The following ARHGAP15 variants were observed in gnomAD, a reference collection of about 807,000 sequenced individuals.
ARHGAP15 encodes the protein Rho GTPase activating protein 15, also known as rho GTPase-activating protein 15.
A neutral mutation model predicts 63.7 loss-of-function variants in ARHGAP15; 51 were observed. That is an observed-to-expected ratio of 0.80 (90% CI 0.64 to 1.01). The LOEUF is 1.01. Ranked by LOEUF, ARHGAP15 falls within the 50% of genes least tolerant of loss-of-function variation. The probability of loss-of-function intolerance (pLI) is 0.00; values close to 1 mark genes in which losing one functional copy is unlikely to be tolerated. For missense variants in ARHGAP15, 560 were observed against 564.6 expected (o/e 0.99, Z 0.08); for synonymous variants, 191 against 193.8 (o/e 0.99, Z 0.12).
chr2:143,525,201 G>A (rs965257075), intron 10 of ARHGAP15, among the ~76,000 whole-genome samples: 1 of 152,098 alleles, frequency 6.6e-6, no homozygotes, highest in African/African-American at 2.4e-5. Context: ...CTTCCATGAA[G>A]AATGTGCAAT....
At chr2:143,713,567 T>G (rs1337285419) in intron 13 of ARHGAP15, among the ~76,000 whole-genome samples, 1 of 152,090 alleles carries the variant, frequency 6.6e-6, no homozygotes, top group Admixed American at 6.6e-5. Flanking sequence ...AACCCAAAAG[T>G]CCACAGTCCA....
chr2:143,353,351 C>A (rs1017192468), intron 6 of ARHGAP15, among the ~76,000 whole-genome samples: 9 of 152,030 alleles, frequency 5.9e-5, no homozygotes, highest in African/African-American at 1.9e-4. Context: ...TTAGTCCAGC[C>A]CTTTAAGAGA....
intron 6 of ARHGAP15, among the ~76,000 whole-genome samples, chr2:143,401,404 A>G (rs1275109791): frequency 6.6e-6 from 1 of 152,052 alleles, no homozygotes; most frequent in African/African-American, 2.4e-5. Flanking sequence ...CCTTTGTTTT[A>G]AAGTATTTGA....
chr2:143,463,305 G>A (rs893627883), intron 8 of ARHGAP15, among the ~76,000 whole-genome samples: 2 of 152,112 alleles, frequency 1.3e-5, no homozygotes, highest in African/African-American at 4.8e-5. Flanking sequence ...ACTTTGGGAG[G>A]CCAAGGCGGG....
chr2:143,502,660 A>G (rs1296515869), intron 9 of ARHGAP15, among the ~76,000 whole-genome samples: 1 of 150,950 alleles, frequency 6.6e-6, no homozygotes, highest in African/African-American at 2.4e-5. Context: ...GCTCACTGCA[A>G]CCTCCGTCTC....
intron 11 of ARHGAP15, among the ~76,000 whole-genome samples, chr2:143,557,369 G>A (rs1357383623): frequency 6.6e-6 from 1 of 152,074 alleles, no homozygotes; most frequent in Non-Finnish European, 1.5e-5. Flanking sequence ...TGCATATGCT[G>A]AGTAAAACAA....
chr2:143,555,259 A>G (rs1695736481), intron 10 of ARHGAP15, among the ~76,000 whole-genome samples: 1 of 152,134 alleles, frequency 6.6e-6, no homozygotes, highest in South Asian at 2.1e-4. Flanking sequence ...AGCTCATTTT[A>G]TGCCAGTAAA....
At chr2:143,638,501 TGGGGTGG>T (rs1436708450) in intron 12 of ARHGAP15, among the ~76,000 whole-genome samples, 19 of 61,950 alleles carry the variant, frequency 3.1e-4, no homozygotes, top group African/African-American at 1.0e-3. Context: ...GGGACTGTGG[TGGGGTGG>T]GGGGAGGGGG....
intron 10 of ARHGAP15, among the ~76,000 whole-genome samples, chr2:143,531,084 T>C (rs1559031300): frequency 6.6e-6 from 1 of 151,990 alleles, no homozygotes; most frequent in Admixed American, 6.6e-5. Context: ...GACTACACTT[T>C]GGCATATTGC....
At chr2:143,218,595 T>C (rs542978251) in intron 4 of ARHGAP15, among the ~76,000 whole-genome samples, 19 of 152,332 alleles carry the variant, frequency 1.2e-4, no homozygotes, top group African/African-American at 3.4e-4. Context: ...TTTTGTATCA[T>C]AAACCTTATT....
At chr2:143,156,274 C>A (rs1233733284) in intron 2 of ARHGAP15, among the ~76,000 whole-genome samples, 1 of 151,832 alleles carries the variant, frequency 6.6e-6, no homozygotes, top group Non-Finnish European at 1.5e-5. Flanking sequence ...TGCACGCATC[C>A]TGAGCCACTA....
intron 6 of ARHGAP15, among the ~76,000 whole-genome samples, chr2:143,386,698 C>T (rs11894359): frequency 0.014 from 2,087 of 152,238 alleles, 58 homozygotes; most frequent in African/African-American, 0.047. Context: ...ATAAAGGTTA[C>T]CTGTTTCACA....
chr2:143,224,267 C>T (rs17207319), intron 4 of ARHGAP15, among the ~76,000 whole-genome samples: 1 of 151,964 alleles, frequency 6.6e-6, no homozygotes, highest in African/African-American at 2.4e-5. Flanking sequence ...ACCTTAATAA[C>T]TACTAGGAAA....
chr2:143,387,224 G>A (rs931007188), intron 6 of ARHGAP15, among the ~76,000 whole-genome samples: 2 of 152,132 alleles, frequency 1.3e-5, no homozygotes, highest in Non-Finnish European at 2.9e-5. Flanking sequence ...TGCACATTTT[G>A]TAATGGTGGA....
chr2:143,200,963 T>C (rs570565171), intron 2 of ARHGAP15, among the ~76,000 whole-genome samples: 7 of 152,216 alleles, frequency 4.6e-5, no homozygotes, highest in South Asian at 2.1e-4. Flanking sequence ...GTTTTTGTCA[T>C]GCTTAGAGTA....
At chr2:143,258,252 C>CATATATAT (rs71301731) in intron 6 of ARHGAP15, among the ~76,000 whole-genome samples, 3 of 150,550 alleles carry the variant, frequency 2.0e-5, no homozygotes, top group Non-Finnish European at 4.4e-5. Context: ...AGAAAAAATA[C>CATATATAT]ATATATATAT....
At chr2:143,554,270 A>G (rs1695694144) in intron 10 of ARHGAP15, among the ~76,000 whole-genome samples, 1 of 152,156 alleles carries the variant, frequency 6.6e-6, no homozygotes, top group African/African-American at 2.4e-5. Flanking sequence ...TCCATGGGAA[A>G]ATAATCAGGG....
chr2:143,316,626 G>A (rs1683733703), intron 6 of ARHGAP15, among the ~76,000 whole-genome samples: 1 of 138,936 alleles, frequency 7.2e-6, no homozygotes, highest in Non-Finnish European at 1.5e-5. Flanking sequence ...TATAGACTTT[G>A]GAGGCTTTCA....
chr2:143,250,038 C>T lies in ARHGAP15; in HGVS notation c.385-473C>T, dbSNP rs187591112. ...CTAGATGATGTAGTCAGATTCTAAG[C>T]AACTCTACTATAGTCGCAAAACTAA... On this transcript the variant is annotated intron_variant, in intron 5 of 13. Coordinates refer to ENST00000295095, the MANE Select transcript of ARHGAP15 (RefSeq NM_018460.4). 3.0e-3 allele frequency among the ~76,000 whole-genome samples: 456 copies of T among 152,170 alleles called. 1 individual carries two copies. The highest frequency in any genetic ancestry group is 0.01 in the African/African-American group (435 of 41,550).
Sources: gnomAD v4.1 joint callset for allele counts (sites outside exome capture counted in the v4.1 genomes callset) on GRCh38, gnomAD v4.1.1 for gene constraint, MANE v1.5 for transcripts, NCBI Gene and HGNC (gene_info 2026-07-23, HGNC 2026-07-21) for gene names.